The following CUX1 variants were observed in gnomAD, a reference collection of about 807,000 sequenced individuals.
CUX1 encodes protein CASP.
CUX1 carries 31 observed loss-of-function variants against 158.8 expected under a neutral mutation model. The ratio of observed to expected loss-of-function variants is 0.20; its 90% CI spans 0.15 to 0.26. The LOEUF (loss-of-function observed/expected upper bound fraction) is 0.26, where lower values mean the gene tolerates loss of function less well. Ranked by LOEUF, CUX1 falls within the 10% of genes least tolerant of loss-of-function variation. The pLI, the probability that CUX1 is intolerant of heterozygous loss-of-function variation, is 1.00. For missense variants in CUX1, 1,589 were observed against 2,014.6 expected, an observed-to-expected ratio of 0.79 and a Z score of 4.04; for synonymous variants, 879 against 862.1, an observed-to-expected ratio of 1.02 and a Z score of -0.34.
intron 2 of CUX1, among the ~76,000 whole-genome samples, chr7:102,014,959 C>T (rs2158902): frequency 0.37 from 55,832 of 151,810 alleles, 10,768 homozygotes; most frequent in Non-Finnish European, 0.4. Flanking sequence ...CTTGCCAAGA[C>T]CCTGCCTCCG....
At chr7:101,820,680 C>T (rs1188575577) in intron 1 of CUX1, among the ~76,000 whole-genome samples, 1 of 152,174 alleles carries the variant, frequency 6.6e-6, no homozygotes, top group African/African-American at 2.4e-5. Context: ...TGGTTTCCAC[C>T]GAAATTTCCC....
At chr7:102,210,253 C>T (rs782686353) in intron 20 of CUX1, among the ~76,000 whole-genome samples, 1 of 152,140 alleles carries the variant, frequency 6.6e-6, no homozygotes, top group Non-Finnish European at 1.5e-5. Flanking sequence ...CCTGCCACCA[C>T]ACCCAGGTAA....
intron 2 of CUX1, among the ~76,000 whole-genome samples, chr7:101,928,058 A>G (rs1261431581): frequency 6.6e-6 from 1 of 152,218 alleles, no homozygotes; most frequent in Non-Finnish European, 1.5e-5. Context: ...TTACAGGGCT[A>G]TTTTAAGTAT....
At chr7:102,124,847 T>A (rs1452858805) in intron 8 of CUX1, among the ~76,000 whole-genome samples, 3 of 151,824 alleles carry the variant, frequency 2.0e-5, no homozygotes, top group Non-Finnish European at 4.4e-5. Flanking sequence ...AGTGGCATGA[T>A]CTCGGCTCAC....
intron 20 of CUX1, among the ~76,000 whole-genome samples, chr7:102,216,551 CACACG>C (rs1797097648): frequency 1.6e-5 from 2 of 127,238 alleles, no homozygotes; most frequent in African/African-American, 3.0e-5. Flanking sequence ...CACACACCCA[CACACG>C]CACACACACT....
intron 2 of CUX1, among the ~76,000 whole-genome samples, chr7:101,973,035 G>C (rs1585136680): frequency 6.6e-6 from 1 of 152,268 alleles, no homozygotes; most frequent in East Asian, 1.9e-4. Flanking sequence ...GGTTTTAGAG[G>C]GTTGCTTTTC....
rs1554487668 is a variant in CUX1, at chr7:102,104,341, A to G, written c.412A>G (p.Thr138Ala). The G allele has an allele frequency of 6.2e-7, 1 of 1,602,770 alleles. No homozygotes were observed. Among genetic ancestry groups the G allele is most frequent in the Non-Finnish European group, 8.5e-7 (1 of 1,177,262 alleles). Residue 138 changes from threonine (T) to alanine (A), a missense_variant, in exon 6 of 24, where the codon ACG becomes GCG. By Grantham distance (58) the Thr-to-Ala change is moderately conservative. Around this residue, in one of 8 missense-constraint regions of CUX1, gnomAD observed 515 missense variants for 574.4 expected, o/e 0.90. Coordinates refer to ENST00000292535, the MANE Select transcript of CUX1 (RefSeq NM_181552.4). The part of the protein sequence containing the change: ...EFAEVKNQEV[T>A]IKALKEKIRE... ...TTTTTTTTTCTTTTCTGCAGAGGTT[A>G]CGATAAAAGCACTTAAAGAGAAAAT...
At chr7:101,954,211 C>A (rs1809471106) in intron 2 of CUX1, among the ~76,000 whole-genome samples, 1 of 152,156 alleles carries the variant, frequency 6.6e-6, no homozygotes, top group Admixed American at 6.5e-5. Flanking sequence ...TGAAAATTAG[C>A]CAGGTACAGT....
intron 18 of CUX1, among the ~76,000 whole-genome samples, chr7:102,204,069 C>T (rs536127809): frequency 3.3e-5 from 5 of 152,296 alleles, no homozygotes; most frequent in South Asian, 4.1e-4. Context: ...ACACCTCCTC[C>T]GCGGGGTGTC....
chr7:101,911,423 G>T (rs867633327), intron 1 of CUX1, among the ~76,000 whole-genome samples: 1 of 152,214 alleles, frequency 6.6e-6, no homozygotes, highest in Non-Finnish European at 1.5e-5. Context: ...CTGAGCCTTG[G>T]TCTTGGCCTT....
rs1049818915 is a variant in CUX1 at position 102,252,371 on chromosome 7, C to A, written c.*3329C>A. 7.1e-6 allele frequency: 7 copies of A among 985,330 alleles called. No individual in the cohort carries two copies. The highest frequency in any genetic ancestry group is 7.2e-6 in the Non-Finnish European group (6 of 829,944). 61.0% of individuals were successfully genotyped at this position (985,330 alleles called of 1,614,324 possible). A position where few individuals can be genotyped will look rare whatever the true frequency, so the allele number is the denominator to read the frequency against. On this transcript the variant is annotated 3_prime_UTR_variant, in exon 24 of 24. Transcript: ENST00000292535. ...AGCAGGCTGGCATTCCAAGCAGTGGCCCCCGCAGGCAGCCGACCCCCTTCC... is the reference window on the plus strand; with the variant it reads ...AGCAGGCTGGCATTCCAAGCAGTGGACCCCGCAGGCAGCCGACCCCCTTCC...
rs550778119 is a variant in CUX1 at position 102,164,707 on chromosome 7, G to A, written c.724-5739G>A. The stretch of plus-strand genomic sequence containing the variant: ...CCGACCTCCTTCCTGCAGAGTCAGT[G>A]ACATGGAGTTACCTCTGGGAGTCGA... On this transcript the variant is annotated intron_variant, in intron 9 of 23. Coordinates refer to ENST00000292535, the MANE Select transcript of CUX1 (RefSeq NM_181552.4). 5.9e-5 allele frequency among the ~76,000 whole-genome samples: 9 copies of A among 152,352 alleles called. No homozygotes were observed. The South Asian group carries it at 1.7e-3, about 28-fold the overall frequency.
intron 2 of CUX1, among the ~76,000 whole-genome samples, chr7:101,930,190 T>G (rs955055499): frequency 6.6e-6 from 1 of 152,204 alleles, no homozygotes; most frequent in Non-Finnish European, 1.5e-5. Context: ...CCTCTTCTAT[T>G]AGATTTTTTT....
At chr7:101,899,077 G>C (rs1801867744) in intron 1 of CUX1, among the ~76,000 whole-genome samples, 1 of 152,220 alleles carries the variant, frequency 6.6e-6, no homozygotes, top group Non-Finnish European at 1.5e-5. Flanking sequence ...CATCACCAAG[G>C]CTGCCTGGTC....
intron 2 of CUX1, among the ~76,000 whole-genome samples, chr7:102,025,388 G>C (rs1384057017): frequency 2.0e-5 from 3 of 152,168 alleles, no homozygotes; most frequent in East Asian, 3.9e-4. Flanking sequence ...AGCACTTCAG[G>C]AGACCAAGGC....
At chr7:101,917,077 A>C (rs1804304824) in intron 2 of CUX1, among the ~76,000 whole-genome samples, 2 of 152,182 alleles carry the variant, frequency 1.3e-5, no homozygotes, top group African/African-American at 4.8e-5. Context: ...AGCAGCCCAC[A>C]GCTTCGGCCC....
chr7:102,058,134 T>C (rs1404815712), intron 3 of CUX1, among the ~76,000 whole-genome samples: 1 of 152,246 alleles, frequency 6.6e-6, no homozygotes, highest in Non-Finnish European at 1.5e-5. Context: ...AAGCATTTTT[T>C]AATTAAGATA....
At chr7:102,090,049 C>T (rs1383183832) in intron 4 of CUX1, among the ~76,000 whole-genome samples, 1 of 152,170 alleles carries the variant, frequency 6.6e-6, no homozygotes, top group Non-Finnish European at 1.5e-5. Flanking sequence ...AGTTGAGTAT[C>T]AGTAGATCTG....
chr7:101,825,429 C>T (rs753214044), intron 1 of CUX1, among the ~76,000 whole-genome samples: 9 of 152,198 alleles, frequency 5.9e-5, no homozygotes, highest in East Asian at 1.9e-4. Flanking sequence ...CTGCAGTCAC[C>T]GATGAGCCTG....
Sources: gnomAD v4.1 joint callset for allele counts (sites outside exome capture counted in the v4.1 genomes callset) on GRCh38, gnomAD v4.1.1 for gene constraint, gnomAD v4.1.1 regional missense constraint, MANE v1.5 for transcripts, NCBI Gene and HGNC (gene_info 2026-07-23, HGNC 2026-07-21) for gene names.